Variants in CNTNAP2 observed in about 807,000 individuals in gnomAD.
The protein encoded by CNTNAP2 is contactin-associated protein-like 2.
CNTNAP2 carries 98 observed loss-of-function variants against 155.2 expected under a neutral mutation model. That is an observed-to-expected ratio of 0.63 (90% CI 0.54 to 0.75). The LOEUF is 0.75. CNTNAP2 is among the 30% of genes least tolerant of loss of function. The pLI, the probability that CNTNAP2 is intolerant of heterozygous loss-of-function variation, is 0.00. For synonymous variants in CNTNAP2, 651 were observed against 631.2 expected (o/e 1.03, Z -0.47); for missense variants, 1,727 against 1,688.1 (o/e 1.02, Z -0.40).
intron 17 of CNTNAP2, among the ~76,000 whole-genome samples, chr7:148,151,636 A>G (rs1457973390): frequency 6.6e-6 from 1 of 152,052 alleles, no homozygotes; most frequent in Non-Finnish European, 1.5e-5. Context: ...TTCCTTTACT[A>G]TCCTTTACCT....
chr7:147,562,297 T>C, intron 12 of CNTNAP2, 40 bp downstream of exon 12: 2 of 1,611,856 alleles, frequency 1.2e-6, no homozygotes, highest in Non-Finnish European at 1.7e-6. Context: ...GATGCTTTTC[T>C]ATATGTCACG....
chr7:148,195,546 T>C (rs1396804200), intron 18 of CNTNAP2, among the ~76,000 whole-genome samples: 1 of 152,202 alleles, frequency 6.6e-6, no homozygotes, highest in East Asian at 1.9e-4. Flanking sequence ...TAGACAAGCA[T>C]CCCACTTAAG....
intron 12 of CNTNAP2, among the ~76,000 whole-genome samples, chr7:147,568,544 T>C (rs148852035): frequency 3.5e-4 from 53 of 152,288 alleles, no homozygotes; most frequent in Middle Eastern, 3.4e-3. Flanking sequence ...AAGCCTGGTT[T>C]CTTTTTTTAG....
chr7:147,679,321 G>A (rs1401150625), intron 13 of CNTNAP2, among the ~76,000 whole-genome samples: 1 of 151,844 alleles, frequency 6.6e-6, no homozygotes, highest in Non-Finnish European at 1.5e-5. Flanking sequence ...GATACACTAA[G>A]GAAATAGTCT....
At chr7:146,720,976 G>C (rs971443629) in intron 1 of CNTNAP2, among the ~76,000 whole-genome samples, 7,070 of 100,190 alleles carry the variant, frequency 0.071, 644 homozygotes, top group African/African-American at 0.3. Flanking sequence ...TATATATATA[G>C]ACTATATATA....
At chr7:147,740,143 T>C (rs1316042028) in intron 13 of CNTNAP2, among the ~76,000 whole-genome samples, 1 of 152,202 alleles carries the variant, frequency 6.6e-6, no homozygotes, top group African/African-American at 2.4e-5. Flanking sequence ...GAGAAATACA[T>C]TAATTAGGTT....
intron 1 of CNTNAP2, among the ~76,000 whole-genome samples, chr7:146,395,154 A>C (rs1795601439): frequency 6.6e-6 from 1 of 152,200 alleles, no homozygotes; most frequent in African/African-American, 2.4e-5. Context: ...ACTGATGGAC[A>C]CATAGGTGGA....
rs114937285 is a variant in CNTNAP2 at position 146,810,148 on chromosome 7, G to C, written c.209-29563G>C. ...TTATTAATGGCATTATCAAAGAGTA[G>C]TTGATCAGAAATGCATGGGTGGGTG... is the stretch of plus-strand genomic sequence containing the variant. On this transcript the variant is annotated intron_variant, in intron 2 of 23. Transcript: ENST00000361727. Among the ~76,000 whole-genome samples, 180 of 152,242 alleles carry C rather than the reference G, an allele frequency of 1.2e-3. 2 individuals are homozygous for C. Among genetic ancestry groups the C allele is most frequent in the African/African-American group, 2.6e-3 (110 of 41,550 alleles).
intron 1 of CNTNAP2, among the ~76,000 whole-genome samples, chr7:146,551,288 C>G (rs1798117738): frequency 6.6e-6 from 1 of 152,044 alleles, no homozygotes; most frequent in South Asian, 2.1e-4. Context: ...TCCCTTCCCC[C>G]TCCCTCCACC....
intron 3 of CNTNAP2, among the ~76,000 whole-genome samples, chr7:146,865,363 G>A (rs1384546756): frequency 1.3e-5 from 2 of 151,272 alleles, no homozygotes; most frequent in Admixed American, 6.6e-5. Flanking sequence ...ATCCAAACTG[G>A]GTTTGAAAAA....
chr7:148,391,480 T>A (rs552296075), intron 22 of CNTNAP2, among the ~76,000 whole-genome samples: 1 of 123,440 alleles, frequency 8.1e-6, no homozygotes, highest in South Asian at 2.4e-4. Context: ...ATTGGAAACA[T>A]CCAATCTTTT....
chr7:147,807,727 A>G (rs916985764), intron 13 of CNTNAP2, among the ~76,000 whole-genome samples: 2 of 152,220 alleles, frequency 1.3e-5, no homozygotes, highest in African/African-American at 4.8e-5. Flanking sequence ...ACAAATCACT[A>G]TATGATGGGG....
At chr7:146,886,867 T>G (rs1795675165) in intron 3 of CNTNAP2, among the ~76,000 whole-genome samples, 2 of 151,456 alleles carry the variant, frequency 1.3e-5, no homozygotes, top group Admixed American at 6.6e-5. Flanking sequence ...TGTTATAAAC[T>G]CATCATTTTC....
chr7:146,712,537 T>C (rs1455864990), intron 1 of CNTNAP2, among the ~76,000 whole-genome samples: 2 of 150,996 alleles, frequency 1.3e-5, no homozygotes, highest in Non-Finnish European at 3.0e-5. Flanking sequence ...AAGGCCAGAA[T>C]GATTTATTTC....
chr7:147,114,923 G>A (rs1310029977), intron 5 of CNTNAP2, among the ~76,000 whole-genome samples: 3 of 152,110 alleles, frequency 2.0e-5, no homozygotes, highest in East Asian at 1.9e-4. Flanking sequence ...TGTGTATTTC[G>A]ATGTGTTTCT....
chr7:146,404,978 T>C (rs1795769996), intron 1 of CNTNAP2, among the ~76,000 whole-genome samples: 1 of 152,216 alleles, frequency 6.6e-6, no homozygotes, highest in Admixed American at 6.5e-5. Flanking sequence ...GATTAGGTGA[T>C]ATGTCTTTCT....
At chr7:147,359,199 C>T (rs79392094) in intron 9 of CNTNAP2, among the ~76,000 whole-genome samples, 2,439 of 152,166 alleles carry the variant, frequency 0.016, 65 homozygotes, top group African/African-American at 0.055. Flanking sequence ...CAGTTTTCTC[C>T]ACCTCTGTAA....
chr7:147,952,306 G>GACA (rs1563146353), intron 14 of CNTNAP2, among the ~76,000 whole-genome samples: 8 of 117,294 alleles, frequency 6.8e-5, no homozygotes, highest in African/African-American at 2.4e-4. Flanking sequence ...GCTGGGTGTG[G>GACA]TGGTGGATGC....
At chr7:147,412,840 G>A (rs985926567) in intron 10 of CNTNAP2, among the ~76,000 whole-genome samples, 1 of 152,148 alleles carries the variant, frequency 6.6e-6, no homozygotes, top group Non-Finnish European at 1.5e-5. Flanking sequence ...TAAGGCATGT[G>A]ACACAGCTGA....
Sources: gnomAD v4.1 joint callset for allele counts (sites outside exome capture counted in the v4.1 genomes callset) on GRCh38, gnomAD v4.1.1 for gene constraint, MANE v1.5 for transcripts, NCBI Gene and HGNC (gene_info 2026-07-23, HGNC 2026-07-21) for gene names.